The following ATXN2 variants were observed in gnomAD, a reference collection of about 807,000 sequenced individuals.
The protein encoded by ATXN2 is ataxin 2.
In ATXN2, 37 loss-of-function variants were observed where a neutral mutation model predicts 138.6. That is an observed-to-expected ratio of 0.27 (90% CI 0.21 to 0.35). The LOEUF is 0.35. Ranked by LOEUF, ATXN2 falls within the 10% of genes least tolerant of loss-of-function variation. The pLI, the probability that ATXN2 is intolerant of heterozygous loss-of-function variation, is 1.00. For synonymous variants in ATXN2, 549 were observed against 543.7 expected (o/e 1.01, Z -0.13); for missense variants, 1,216 against 1,480.3 (o/e 0.82, Z 2.93).
intron 1 of ATXN2, among the ~76,000 whole-genome samples, chr12:111,582,993 GTT>G (rs374845735): frequency 0.72 from 72,089 of 99,528 alleles, 24,443 homozygotes; most frequent in Admixed American, 0.76. Flanking sequence ...TTTTTTGTTT[GTT>G]TTTTTTTTTT....
chr12:111,581,461 G>A (rs1883999182), intron 1 of ATXN2: 2 of 891,204 alleles, frequency 2.2e-6, no homozygotes, highest in South Asian at 1.3e-5. Flanking sequence ...AGGAGCAAGA[G>A]GTGGCTGTGC....
At chr12:111,586,261 GC>G (rs1218606793) in intron 1 of ATXN2, among the ~76,000 whole-genome samples, 1 of 150,356 alleles carries the variant, frequency 6.7e-6, no homozygotes, top group Non-Finnish European at 1.5e-5. Context: ...CTGCTCTGTG[GC>G]CCAGGCTGGG....
At chr12:111,481,580 GC>G (rs1877243551) in intron 18 of ATXN2, among the ~76,000 whole-genome samples, 1 of 152,164 alleles carries the variant, frequency 6.6e-6, no homozygotes, top group South Asian at 2.1e-4. Context: ...AAATGATGCA[GC>G]TGCTTTGGAA....
At chr12:111,529,357 A>ACT (rs765176279) in intron 5 of ATXN2, among the ~76,000 whole-genome samples, 31,232 of 152,172 alleles carry the variant, frequency 0.21, 3,316 homozygotes, top group East Asian at 0.33. Flanking sequence ...GACTATTAGA[A>ACT]AAGTGTTACC....
intron 21 of ATXN2, among the ~76,000 whole-genome samples, chr12:111,460,609 G>T (rs745794711): frequency 5.3e-5 from 8 of 151,082 alleles, no homozygotes; most frequent in Non-Finnish European, 1.2e-4. Context: ...ATTTATTCAA[G>T]AAATTTTGTA....
intron 1 of ATXN2, among the ~76,000 whole-genome samples, chr12:111,597,198 G>A (rs1367481420): frequency 6.6e-6 from 1 of 152,096 alleles, no homozygotes; most frequent in Non-Finnish European, 1.5e-5. Context: ...GACTGTTTCC[G>A]CCCCCTTTGA....
intron 1 of ATXN2, among the ~76,000 whole-genome samples, chr12:111,580,911 G>C (rs975018090): frequency 7.9e-5 from 12 of 152,000 alleles, no homozygotes; most frequent in Admixed American, 7.2e-4. Context: ...GGCCGAGGCA[G>C]GTGGATCACC....
intron 21 of ATXN2, among the ~76,000 whole-genome samples, chr12:111,459,999 G>A (rs1355247691): frequency 6.6e-6 from 1 of 152,228 alleles, no homozygotes; most frequent in African/African-American, 2.4e-5. Context: ...TTACAGGTGT[G>A]AGCAACTGCA....
At chr12:111,455,988 C>A in intron 23 of ATXN2, 41 bp downstream of exon 23, 2 of 1,572,854 alleles carry the variant, frequency 1.3e-6, no homozygotes, top group South Asian at 2.2e-5. Context: ...CCTTCACATT[C>A]TACTTGGCCT....
rs774723520 is a variant in ATXN2 at position 111,598,919 on chromosome 12, G to C, written c.116C>G (p.Pro39Arg). 2 of 1,512,038 alleles carry C rather than the reference G, an allele frequency of 1.3e-6. No homozygotes were observed. Among genetic ancestry groups the C allele is most frequent in the Non-Finnish European group, 1.8e-6 (2 of 1,135,762 alleles). The allele number at this position is 1,512,038 out of a possible 1,614,324, so 93.7% of individuals were successfully genotyped here. A position where few individuals can be genotyped will look rare whatever the true frequency, so the allele number is the denominator to read the frequency against. ...PPPAAANVRK[P>R]GGSGLLASPA... is the part of the protein sequence containing the mutation. ...CGACGCTAGAAGGCCGCTGCCGCCGGGCTTGCGGACATTGGCAGCCGCGGG... is the reference window on the plus strand; with the variant it reads ...CGACGCTAGAAGGCCGCTGCCGCCGCGCTTGCGGACATTGGCAGCCGCGGG... Residue 39 changes from proline to arginine, a missense_variant, in exon 1 of 25, where the codon CCC becomes CGC. Around this residue, in one of 4 missense-constraint regions of ATXN2, gnomAD observed 110 missense variants for 88.7 expected, o/e 1.24. Transcript: ENST00000673436. The surrounding 1 kb of genome is among the most constrained non-coding windows in gnomAD (Gnocchi z 4.5).
intron 1 of ATXN2, among the ~76,000 whole-genome samples, chr12:111,573,969 T>C (rs904943335): frequency 1.2e-4 from 18 of 151,558 alleles, no homozygotes; most frequent in African/African-American, 4.4e-4. Flanking sequence ...AAAAATTTAA[T>C]AATAAATAGA....
chr12:111,544,808 G>C (rs1013755299), intron 5 of ATXN2, among the ~76,000 whole-genome samples: 4 of 152,226 alleles, frequency 2.6e-5, no homozygotes, highest in African/African-American at 9.7e-5. Context: ...GGACCTGGCA[G>C]TTAGAGGTTA....
chr12:111,554,865 C>T (rs1882308268), intron 2 of ATXN2, among the ~76,000 whole-genome samples: 1 of 152,136 alleles, frequency 6.6e-6, no homozygotes, highest in Non-Finnish European at 1.5e-5. Flanking sequence ...CCAGGTCATA[C>T]CTTCATAGAA....
Position 111,469,789 on chromosome 12 carries a change from T to C in ATXN2, c.2842+319A>G, listed in dbSNP as rs1593104661. ...TATTATAAAATTCTCTTGCATGTCGTAGGCAGGATATACCAAAGCATAATA... is the reference window on the plus strand; with the variant it reads ...TATTATAAAATTCTCTTGCATGTCGCAGGCAGGATATACCAAAGCATAATA... On this transcript the variant is annotated intron_variant, in intron 20 of 24. Coordinates refer to ENST00000673436, the MANE Select transcript of ATXN2 (RefSeq NM_001372574.1). The C allele has an allele frequency of 2.2e-5, 8 of 367,818 alleles. No homozygotes were observed. The East Asian group carries it at 3.2e-4, about 15-fold the overall frequency. 22.8% of individuals were successfully genotyped at this position (367,818 alleles called of 1,614,324 possible).
intron 16 of ATXN2, 39 bp from the exon 17 acceptor site, chr12:111,485,904 C>A (rs1355062326): frequency 1.3e-6 from 2 of 1,593,556 alleles, no homozygotes; most frequent in Admixed American, 3.4e-5. Context: ...CTCAAGGTAA[C>A]AGATGAACTA....
chr12:111,488,343 T>A, intron 15 of ATXN2, 133 bp downstream of exon 15: 1 of 890,686 alleles, frequency 1.1e-6, no homozygotes, highest in Non-Finnish European at 1.7e-6. Context: ...ACTAGCTGTT[T>A]GTAAACTAAG....
rs549156861 is a variant in ATXN2, at chr12:111,542,064, G to A, written c.571+10216C>T. ...ATTACAGGCGTGAGCCAACGTGCCC[G>A]GCCAAAACTGAATATATTATCTTTA... On this transcript the variant is annotated intron_variant, in intron 5 of 24. Transcript: ENST00000673436. 1.6e-3 allele frequency among the ~76,000 whole-genome samples: 243 copies of A among 148,784 alleles called. 19 individuals carry two copies. The highest frequency in any genetic ancestry group is 6.0e-4 in the Non-Finnish European group (40 of 66,246).
chr12:111,515,877 G>A (rs1160930228), intron 10 of ATXN2, among the ~76,000 whole-genome samples: 1 of 152,288 alleles, frequency 6.6e-6, no homozygotes, highest in East Asian at 1.9e-4. Flanking sequence ...GGGGAAGGCT[G>A]TGGGGCAGAC....
intron 5 of ATXN2, among the ~76,000 whole-genome samples, chr12:111,547,836 AT>A (rs34988312): frequency 0.15 from 15,507 of 100,386 alleles, 906 homozygotes; most frequent in Middle Eastern, 0.25. Context: ...TTGCTTGAGA[AT>A]TTTTTTTTTT....
Sources: allele counts gnomAD v4.1 joint callset (sites outside exome capture counted in the v4.1 genomes callset), GRCh38; gene constraint gnomAD v4.1.1; regional missense constraint gnomAD v4.1.1; non-coding constraint Gnocchi (gnomAD v3.1); transcripts MANE v1.5; gene names NCBI Gene and HGNC (gene_info 2026-07-23, HGNC 2026-07-21).